TBC1D30: variants seen among roughly 807,000 people sequenced by gnomAD.
TBC1D30 encodes TBC1 domain family, member 30.
In TBC1D30, 31 loss-of-function variants were observed where a neutral mutation model predicts 63.2. That is an observed-to-expected ratio of 0.49 (90% CI 0.37 to 0.66). The LOEUF (loss-of-function observed/expected upper bound fraction) is 0.66. Ranked by LOEUF, TBC1D30 falls within the 30% of genes least tolerant of loss-of-function variation. The probability of loss-of-function intolerance (pLI) is 0.00; values close to 1 mark genes in which losing one functional copy is unlikely to be tolerated. For missense variants in TBC1D30, 810 were observed against 953.6 expected (o/e 0.85, Z 1.98); for synonymous variants, 307 against 361.5 (o/e 0.85, Z 1.71).
At chr12:64,858,865 G>A (rs1320621930) in intron 8 of TBC1D30, among the ~76,000 whole-genome samples, 3 of 152,178 alleles carry the variant, frequency 2.0e-5, no homozygotes, top group Non-Finnish European at 2.9e-5. Flanking sequence ...GTCGAGGGAG[G>A]TGTGCAGAGG....
At chr12:64,760,977 A>C (rs915108487) in intron 1 of TBC1D30, among the ~76,000 whole-genome samples, 12 of 152,106 alleles carry the variant, frequency 7.9e-5, no homozygotes, top group African/African-American at 2.9e-4. Context: ...AAAGGATCTT[A>C]ATACTTTTTT....
At chr12:64,789,017 A>T (rs1257243970) in intron 2 of TBC1D30, among the ~76,000 whole-genome samples, 4 of 152,026 alleles carry the variant, frequency 2.6e-5, no homozygotes, top group African/African-American at 9.7e-5. Flanking sequence ...AAGAATTGAG[A>T]TTTTTTAAAA....
intron 2 of TBC1D30, among the ~76,000 whole-genome samples, chr12:64,816,726 C>G (rs1291522897): frequency 6.6e-6 from 1 of 152,202 alleles, no homozygotes; most frequent in African/African-American, 2.4e-5. Flanking sequence ...ATTATAGTCA[C>G]AGCATTCTTT....
intron 2 of TBC1D30, among the ~76,000 whole-genome samples, chr12:64,788,036 A>G (rs1871698439): frequency 1.3e-5 from 2 of 148,354 alleles, no homozygotes; most frequent in South Asian, 4.3e-4. Flanking sequence ...TCTGTCTCAG[A>G]AAAAAAAAAA....
intron 8 of TBC1D30, among the ~76,000 whole-genome samples, chr12:64,860,517 A>G (rs1434541076): frequency 2.0e-5 from 3 of 151,966 alleles, no homozygotes; most frequent in Non-Finnish European, 1.5e-5. Flanking sequence ...TACGGGCTTC[A>G]GCAACATCTA....
In TBC1D30 at chr12:64,875,328, C is replaced by T. The variant is rs1459926907; in HGVS notation, c.1826C>T (p.Ala609Val). The T allele has an allele frequency of 2.0e-6, 3 of 1,536,270 alleles. No homozygotes were observed. The highest frequency in any genetic ancestry group is 1.7e-4 in the Middle Eastern group (1 of 5,990). Reference protein sequence around the residue: ...SKTNGLGAAEAFPSGCTATAG... With the variant: ...SKTNGLGAAEVFPSGCTATAG... The stretch of plus-strand genomic sequence containing the variant: ...ACCAATGGGCTGGGGGCAGCAGAGG[C>T]ATTCCCCTCTGGTTGTACAGCGACA... Residue 609 changes from alanine (A) to valine (V), a missense_variant, in exon 12 of 12, where the codon GCA (alanine) becomes GTA (valine). Coordinates refer to ENST00000539867, the MANE Select transcript of TBC1D30 (RefSeq NM_015279.2).
At chr12:64,840,999 T>G (rs1318269175) in intron 7 of TBC1D30, among the ~76,000 whole-genome samples, 1 of 152,214 alleles carries the variant, frequency 6.6e-6, no homozygotes, top group Non-Finnish European at 1.5e-5. Context: ...GTGGAGTAGA[T>G]AGGGTTATTC....
intron 1 of TBC1D30, among the ~76,000 whole-genome samples, chr12:64,772,856 T>A (rs1301511939): frequency 6.6e-6 from 1 of 152,188 alleles, no homozygotes; most frequent in Non-Finnish European, 1.5e-5. Flanking sequence ...GCTTAATTTT[T>A]AGCTGATATG....
rs575031760 is a variant in TBC1D30 at position 64,851,237 on chromosome 12, A to AT, written c.1038+7760dup. Among the ~76,000 whole-genome samples the AT allele has an allele frequency of 8.3e-4, 126 of 151,828 alleles. 1 individual carries two copies. The highest frequency in any genetic ancestry group is 2.6e-3 in the Admixed American group (39 of 15,246). On this transcript the variant is annotated intron_variant, in intron 8 of 11. Transcript: ENST00000539867. The stretch of plus-strand genomic sequence containing the variant: ...AAAAAACCACCTCCTGGATTCATTG[A>AT]TTTTTTTTGAAGGGTTTTTCATGTC...
intron 2 of TBC1D30, among the ~76,000 whole-genome samples, chr12:64,791,723 T>A (rs76464404): frequency 7.1e-6 from 1 of 140,960 alleles, no homozygotes; most frequent in Non-Finnish European, 1.5e-5. Flanking sequence ...TATATATATG[T>A]TTTTTTTAAT....
In TBC1D30 at chr12:64,879,264, A is replaced by G. The variant is rs1879305106; in HGVS notation, c.*3476A>G. 1 of 152,196 alleles carries G rather than the reference A, an allele frequency of 6.6e-6. No individual in the cohort carries two copies. Among genetic ancestry groups the G allele is most frequent in the Non-Finnish European group, 1.5e-5 (1 of 68,034 alleles). 9.4% of individuals were successfully genotyped at this position (152,196 alleles called of 1,614,324 possible). A position where few individuals can be genotyped will look rare whatever the true frequency, so the allele number is the denominator to read the frequency against. The stretch of plus-strand genomic sequence containing the variant: ...TCTTTCTGGTAAATGCTCTTATACA[A>G]TATGATTTTTAGTGACTAATATTCC... On this transcript the variant is annotated 3_prime_UTR_variant, in exon 12 of 12. Transcript: ENST00000539867.
chr12:64,827,886 G>A lies in TBC1D30; in HGVS notation c.206G>A (p.Gly69Asp). 1.3e-6 allele frequency: 2 copies of A among 1,534,214 alleles called. No individual in the cohort carries two copies. The highest frequency in any genetic ancestry group is 1.2e-5 in the South Asian group (1 of 83,620). Residue 69 changes from glycine to aspartate, a missense_variant, in exon 2 of 12, where the codon GGT becomes GAT. This residue lies in a region of TBC1D30 where 272 missense variants were observed against 335.9 expected (regional missense o/e 0.81). Coordinates refer to ENST00000539867, the MANE Select transcript of TBC1D30 (RefSeq NM_015279.2). ...CTTGAGCCATCTTTAGGTCAAAATG[G>A]TTTTCAGCAGGTAACTTTGATTTTG... ...FTLEPSLGQNGFQQWYDALKA... is the reference protein window; with the variant it reads ...FTLEPSLGQNDFQQWYDALKA...
At chr12:64,789,478 CT>C (rs371591605) in intron 2 of TBC1D30, among the ~76,000 whole-genome samples, 23 of 152,196 alleles carry the variant, frequency 1.5e-4, no homozygotes, top group African/African-American at 5.1e-4. Context: ...GCCACCTCAC[CT>C]GACATATTTT....
intron 7 of TBC1D30, among the ~76,000 whole-genome samples, chr12:64,843,165 A>G (rs561367848): frequency 2.0e-5 from 3 of 152,066 alleles, no homozygotes; most frequent in Non-Finnish European, 4.4e-5. Context: ...GCGCCACGAT[A>G]CCCAGCTGAT....
intron 2 of TBC1D30, among the ~76,000 whole-genome samples, chr12:64,786,334 A>G (rs1016936725): frequency 1.3e-5 from 2 of 151,854 alleles, no homozygotes; most frequent in Non-Finnish European, 2.9e-5. Flanking sequence ...TATTTTATTT[A>G]TTTATTTATT....
At chr12:64,835,321 G>A (rs924828293) in intron 5 of TBC1D30, among the ~76,000 whole-genome samples, 5 of 152,142 alleles carry the variant, frequency 3.3e-5, no homozygotes, top group African/African-American at 1.2e-4. Context: ...CCTGAAAAGT[G>A]GAAATTATAA....
rs1206486298 is a variant in TBC1D30 at position 64,824,670 on chromosome 12, G to A, written c.-210G>A. 1 of 593,730 alleles carries A rather than the reference G, an allele frequency of 1.7e-6. No individual in the cohort carries two copies. The highest frequency in any genetic ancestry group is 2.8e-6 in the Non-Finnish European group (1 of 357,282). 36.8% of individuals were successfully genotyped at this position (593,730 alleles called of 1,614,324 possible). On this transcript the variant is annotated 5_prime_UTR_variant, in exon 1 of 12. Coordinates refer to ENST00000539867, the MANE Select transcript of TBC1D30 (RefSeq NM_015279.2). ...TCAGCCTTGCAGGCTCCGCACTGCA[G>A]ATGCCTGCTGGCTTCCCTGCGCTCG... is the stretch of plus-strand genomic sequence containing the variant.
upstream of TBC1D30, chr12:64,824,615 C>A (rs1349379110): frequency 2.6e-6 from 1 of 379,910 alleles, no homozygotes; most frequent in Non-Finnish European, 4.7e-6. Flanking sequence ...CGCTCGCTCC[C>A]GCCCTCCCCG....
intron 1 of TBC1D30, chr12:64,768,484 T>C (rs776702948): frequency 6.6e-6 from 1 of 152,094 alleles, no homozygotes; most frequent in Non-Finnish European, 1.5e-5. Context: ...TACTGGTGCA[T>C]GTTATCGCAC....
Sources: gnomAD v4.1 joint callset for allele counts (sites outside exome capture counted in the v4.1 genomes callset) on GRCh38, gnomAD v4.1.1 for gene constraint, gnomAD v4.1.1 regional missense constraint, MANE v1.5 for transcripts, NCBI Gene and HGNC (gene_info 2026-07-23, HGNC 2026-07-21) for gene names.